Variants in POLR1A observed in about 807,000 individuals in gnomAD.
The protein encoded by POLR1A is DNA-directed RNA polymerase I subunit RPA1.
In POLR1A, 84 loss-of-function variants were observed where a neutral mutation model predicts 205.3. The observed-to-expected ratio is 0.41, with a 90% confidence interval of 0.34 to 0.49. POLR1A has a LOEUF of 0.49. POLR1A is among the 20% of genes least tolerant of loss of function. POLR1A has a pLI of 0.22. For synonymous variants in POLR1A, 799 were observed against 863.7 expected (o/e 0.93, Z 1.31); for missense variants, 1,645 against 2,204.5 (o/e 0.75, Z 5.08).
chr2:86,076,876 A>T (rs1370134042), intron 11 of POLR1A, among the ~76,000 whole-genome samples: 1 of 152,226 alleles, frequency 6.6e-6, no homozygotes, highest in Non-Finnish European at 1.5e-5. Context: ...CAGATTTGGG[A>T]ATGTCACCAC....
At position 86,078,126 on chromosome 2, in the gene POLR1A, T is replaced by C. The variant is rs1330135262; in HGVS notation, c.1245A>G (p.Pro415=). Reference sequence around the variant, plus strand: ...GTTTTTTGCTCACCTGCCTAATGCCTGGGTACTTGTCCATCATTAGTTTGT... The same window carrying C: ...GTTTTTTGCTCACCTGCCTAATGCCCGGGTACTTGTCCATCATTAGTTTGT... ...EMDKLMMDKY[P]GIRQILEKKE... The change falls in exon 10 of 34, where the codon CCA becomes CCG. Residue 415 remains proline (P), a synonymous_variant. Coordinates refer to ENST00000263857, the MANE Select transcript of POLR1A (RefSeq NM_015425.6). 6.2e-7 allele frequency: 1 copy of C among 1,613,430 alleles called. No individual in the cohort carries two copies. Among genetic ancestry groups the C allele is most frequent in the Admixed American group, 1.7e-5 (1 of 59,814 alleles).
intron 13 of POLR1A, 54 bp from the exon 14 acceptor site, chr2:86,065,519 C>A: frequency 6.6e-7 from 1 of 1,526,702 alleles, no homozygotes; most frequent in South Asian, 1.2e-5. Flanking sequence ...TTAAGTCAAA[C>A]TCTAATCCCT....
In POLR1A at chr2:86,051,775, A is replaced by G. The variant is rs1672807459; in HGVS notation, c.2392+1042T>C. Among the ~76,000 whole-genome samples the G allele has an allele frequency of 2.6e-5, 4 of 152,240 alleles. No homozygotes were observed. In the East Asian group the frequency reaches 7.7e-4, roughly 29 times the overall value. ...CAGGTGACTGCTTCAGGGGAGCCCC[A>G]GGGCAGTGAGCCCAGCACTCACCCA... is the stretch of plus-strand genomic sequence containing the variant. On this transcript the variant is annotated intron_variant, in intron 16 of 33. Coordinates refer to ENST00000263857, the MANE Select transcript of POLR1A (RefSeq NM_015425.6).
intron 8 of POLR1A, 87 bp downstream of exon 8, chr2:86,081,514 T>C: frequency 1.3e-6 from 1 of 785,964 alleles, no homozygotes. Flanking sequence ...CTCAGTGCCC[T>C]TGGCCCTTTC....
intron 23 of POLR1A, among the ~76,000 whole-genome samples, chr2:86,042,711 T>G (rs1672635386): frequency 6.6e-6 from 1 of 152,220 alleles, no homozygotes; most frequent in South Asian, 2.1e-4. Flanking sequence ...CCGTTTCTCA[T>G]GACTGCTCCC....
At chr2:86,037,783 A>G (rs898369044) in intron 27 of POLR1A, among the ~76,000 whole-genome samples, 2 of 152,238 alleles carry the variant, frequency 1.3e-5, no homozygotes, top group Non-Finnish European at 2.9e-5. Context: ...AAAGGCAAGT[A>G]AACAAGTGAC....
chr2:86,033,944 T>C (rs964888962), intron 27 of POLR1A, among the ~76,000 whole-genome samples, 157 bp from the exon 28 acceptor site: 4 of 152,182 alleles, frequency 2.6e-5, no homozygotes, highest in Admixed American at 2.0e-4. Context: ...CTACCCGCTG[T>C]TTTGGAACCG....
In POLR1A at chr2:86,081,838, T is replaced by A. The variant is rs1673408907; in HGVS notation, c.818-132A>T. ...ATAATATGTAGAGTTAAGGTCACAGTTTTCTTTTTTGAGAAAAGGTCTCAC... is the reference window on the plus strand; with the variant it reads ...ATAATATGTAGAGTTAAGGTCACAGATTTCTTTTTTGAGAAAAGGTCTCAC... On this transcript the variant is annotated intron_variant, in intron 7 of 33. Coordinates refer to ENST00000263857, the MANE Select transcript of POLR1A (RefSeq NM_015425.6). 4 of 624,770 alleles carry A rather than the reference T, an allele frequency of 6.4e-6. No individual in the cohort carries two copies. In the Admixed American group the frequency reaches 1.2e-4, roughly 19 times the overall value. The allele number at this position is 624,770 out of a possible 1,614,324, so 38.7% of individuals were successfully genotyped here. A position where few individuals can be genotyped will look rare whatever the true frequency, so the allele number is the denominator to read the frequency against.
rs1229998406 is a variant in POLR1A at position 86,021,529 on chromosome 2, AAGCACCCTCTAGAGTGC to A, written c.*5877_*5893del. 6.6e-6 allele frequency: 1 copy of A among 152,426 alleles called. No homozygotes were observed. The highest frequency in any genetic ancestry group is 1.5e-5 in the Non-Finnish European group (1 of 68,202). 9.4% of individuals were successfully genotyped at this position (152,426 alleles called of 1,614,324 possible). ...TCCTCTCCACTCTGTCCTTCCTACAAAGCACCCTCTAGAGTGCAGCCAGCTGGGCAAGGCATGGTCCT... is the reference window on the plus strand; with the variant it reads ...TCCTCTCCACTCTGTCCTTCCTACAAAGCCAGCTGGGCAAGGCATGGTCCT... On this transcript the variant is annotated 3_prime_UTR_variant, in exon 34 of 34. Coordinates refer to ENST00000263857, the MANE Select transcript of POLR1A (RefSeq NM_015425.6).
At position 86,070,071 on chromosome 2, in the gene POLR1A, G is replaced by A. The variant is rs1448879248; in HGVS notation, c.1813C>T (p.Arg605Trp). The part of the protein sequence containing the change: ...NAHFPQSELG[R>W]AEAYVLACTD... ...CAGGCCAGGACGTAGGCCTCGGCCC[G>A]GCCCAGCTCACTCTGGGGGAAATGG... is the stretch of plus-strand genomic sequence containing the variant. The change falls in exon 13 of 34, where the codon CGG becomes TGG. Residue 605 changes from arginine to tryptophan, a missense_variant. Arg to Trp is a moderately radical substitution (Grantham distance 101). Coordinates refer to ENST00000263857, the MANE Select transcript of POLR1A (RefSeq NM_015425.6). This position sits in a 1 kb window ranked among gnomAD's most constrained non-coding sequence, Gnocchi z 4.4. 6.2e-7 allele frequency: 1 copy of A among 1,614,106 alleles called. No homozygotes were observed. The highest frequency in any genetic ancestry group is 8.5e-7 in the Non-Finnish European group (1 of 1,179,992).
Position 86,026,896 on chromosome 2 carries a change from C to T in POLR1A, c.*527G>A, listed in dbSNP as rs1672263912. Reference sequence around the variant, plus strand: ...GGGGACTCTTTGTGGACTCTGCCCCCAGGGGCTGGAGCAGCCGGAAGGAGC... The same window carrying T: ...GGGGACTCTTTGTGGACTCTGCCCCTAGGGGCTGGAGCAGCCGGAAGGAGC... On this transcript the variant is annotated 3_prime_UTR_variant, in exon 34 of 34. Coordinates refer to ENST00000263857, the MANE Select transcript of POLR1A (RefSeq NM_015425.6). The T allele has an allele frequency of 1.2e-5, 2 of 168,080 alleles. No homozygotes were observed. Among genetic ancestry groups the T allele is most frequent in the Admixed American group, 1.1e-4 (2 of 18,414 alleles). The allele number at this position is 168,080 out of a possible 1,614,324, so 10.4% of individuals were successfully genotyped here.
Position 86,049,040 on chromosome 2 carries a change from A to G in POLR1A, c.2478T>C (p.Ala826=), listed in dbSNP as rs1266048533. Residue 826 remains alanine, a splice_region_variant and synonymous_variant, in exon 18 of 34, where the codon GCT becomes GCC. Transcript: ENST00000263857. ...IEESTHCGPQ[A]VRAALNLPEA... Reference sequence around the variant, plus strand: ...CTGGCAGGTTTAATGCAGCCCTGACAGCCTAGAATGAGAACAGAAACACAG... The same window carrying G: ...CTGGCAGGTTTAATGCAGCCCTGACGGCCTAGAATGAGAACAGAAACACAG... 1.9e-6 allele frequency: 3 copies of G among 1,614,222 alleles called. No homozygotes were observed. The South Asian group carries it at 3.3e-5, about 18-fold the overall frequency.
intron 33 of POLR1A, 75 bp downstream of exon 33, chr2:86,027,810 A>G: frequency 6.6e-7 from 1 of 1,518,402 alleles, no homozygotes; most frequent in Non-Finnish European, 9.1e-7. Context: ...AACCATGGAA[A>G]GATGCCCATG....
chr2:86,056,486 C>T (rs1382859042), intron 14 of POLR1A, among the ~76,000 whole-genome samples: 3 of 151,590 alleles, frequency 2.0e-5, no homozygotes, highest in East Asian at 1.9e-4. Flanking sequence ...TAGTGCTAAG[C>T]GAGAAGATCT....
Position 86,049,205 on chromosome 2 carries a change from G to C in POLR1A, c.2430C>G (p.Val810=), listed in dbSNP as rs1446185326. ...EDILVKPKAD[V]KRQRIIEEST... ...ATTCTTCAATGATACGTTGCCTCTT[G>C]ACATCTGCCTTTGGCTTCACCAAAA... Residue 810 remains valine, a synonymous_variant, in exon 17 of 34, where the codon GTC becomes GTG. Transcript: ENST00000263857. The C allele has an allele frequency of 1.2e-6, 2 of 1,614,060 alleles. No individual in the cohort carries two copies. The highest frequency in any genetic ancestry group is 1.7e-6 in the Non-Finnish European group (2 of 1,179,946).
intron 31 of POLR1A, among the ~76,000 whole-genome samples, chr2:86,029,599 CTTT>C (rs35348861): frequency 7.3e-6 from 1 of 137,676 alleles, no homozygotes; most frequent in Non-Finnish European, 1.5e-5. Flanking sequence ...TAATTTCTTT[CTTT>C]TTTTTTTTTT....
At position 86,028,740 on chromosome 2, in the gene POLR1A, AG is replaced by A. The variant is rs779636161; in HGVS notation, c.4780-30del. ...GAGAGAGGAAGGAAGGGATTTATTTAGAGGGCCTGGCCTTCTGCTCCCTTCT... is the reference window on the plus strand; with the variant it reads ...GAGAGAGGAAGGAAGGGATTTATTTAAGGGCCTGGCCTTCTGCTCCCTTCT... On this transcript the variant is annotated intron_variant, in intron 31 of 33. Transcript: ENST00000263857. This position sits in a 1 kb window ranked among gnomAD's most constrained non-coding sequence, Gnocchi z 4.5. The A allele has an allele frequency of 1.3e-5, 20 of 1,552,850 alleles. No individual in the cohort carries two copies. The South Asian group carries it at 2.1e-4, about 16-fold the overall frequency.
In POLR1A at chr2:86,098,761, C is replaced by T; in HGVS notation, c.283-1G>A. ...AGCCCCGAAGCAGCAGGTACAGCTT[C>T]TGAAGAGAGGGAATAAAAACAAACA... On this transcript the variant is annotated splice_acceptor_variant, in intron 2 of 33. Transcript: ENST00000263857. LOFTEE classifies it high-confidence loss of function. 1.9e-6 allele frequency: 3 copies of T among 1,613,880 alleles called. No homozygotes were observed. Among genetic ancestry groups the T allele is most frequent in the Non-Finnish European group, 2.5e-6 (3 of 1,179,870 alleles).
intron 29 of POLR1A, 45 bp downstream of exon 29, chr2:86,032,227 G>C: frequency 3.9e-6 from 5 of 1,290,856 alleles, no homozygotes; most frequent in South Asian, 1.2e-5. Flanking sequence ...TAACAGGGAA[G>C]GGGGCTGGGA....
Sources: gnomAD v4.1 joint callset for allele counts (sites outside exome capture counted in the v4.1 genomes callset) on GRCh38, gnomAD v4.1.1 for gene constraint, Gnocchi (gnomAD v3.1) non-coding constraint, MANE v1.5 for transcripts, NCBI Gene and HGNC (gene_info 2026-07-23, HGNC 2026-07-21) for gene names.